ARHGEF12: variants seen among roughly 807,000 people sequenced by gnomAD.
The protein encoded by ARHGEF12 is Rho guanine nucleotide exchange factor 12, also known as KMT2A/ARHGEF12 fusion protein.
Under a neutral mutation model 211.2 loss-of-function variants are expected in ARHGEF12, and 66 were observed. The observed-to-expected ratio is 0.31, with a 90% CI of 0.26 to 0.38. The LOEUF is 0.38. ARHGEF12 is among the 10% of genes least tolerant of loss of function. The pLI is 1.00. For synonymous variants in ARHGEF12, 592 were observed against 638.4 expected, an observed-to-expected ratio of 0.93 and a Z score of 1.09; for missense variants, 1,429 against 1,869.5, an observed-to-expected ratio of 0.76 and a Z score of 4.34.
rs565696828 is a variant in ARHGEF12, at chr11:120,485,297, C to CT, written c.*221dup. 51 of 490,638 alleles carry CT rather than the reference C, an allele frequency of 1.0e-4. No individual in the cohort carries two copies. The East Asian group carries it at 1.4e-3, about 14-fold the overall frequency. 30.4% of individuals were successfully genotyped at this position (490,638 alleles called of 1,614,324 possible). A position where few individuals can be genotyped will look rare whatever the true frequency, so the allele number is the denominator to read the frequency against. On this transcript the variant is annotated 3_prime_UTR_variant, in exon 41 of 41. Coordinates refer to ENST00000397843, the MANE Select transcript of ARHGEF12 (RefSeq NM_015313.3). ...TTGTGAGGGAATATCCATTCCCTCA[C>CT]TCTACTCTCCTCACTATCGGAAATT...
chr11:120,477,617 T>A, intron 36 of ARHGEF12, 91 bp downstream of exon 36: 5 of 1,250,708 alleles, frequency 4.0e-6, no homozygotes, highest in Non-Finnish European at 5.7e-6. Flanking sequence ...GTAATCCCAG[T>A]GCTTTGGGAG....
intron 4 of ARHGEF12, among the ~76,000 whole-genome samples, chr11:120,420,202 T>C (rs1404307620): frequency 1.3e-5 from 2 of 152,212 alleles, no homozygotes; most frequent in African/African-American, 2.4e-5. Flanking sequence ...ACTCTTCCTT[T>C]CTCTTCCCTT....
rs139223662 is a variant in ARHGEF12 at position 120,473,826 on chromosome 11, T to C, written c.3033+699T>C. On this transcript the variant is annotated intron_variant, in intron 31 of 40. Coordinates refer to ENST00000397843, the MANE Select transcript of ARHGEF12 (RefSeq NM_015313.3). Reference sequence around the variant, plus strand: ...AAAGTTGGAACCATTACAGGAACGATAGTAAAATGTTTACTAATTGCCACT... The same window carrying C: ...AAAGTTGGAACCATTACAGGAACGACAGTAAAATGTTTACTAATTGCCACT... Among the ~76,000 whole-genome samples the C allele has an allele frequency of 2.4e-4, 36 of 152,346 alleles. No homozygotes were observed. In the East Asian group the frequency reaches 6.2e-3, roughly 26 times the overall value.
intron 27 of ARHGEF12, chr11:120,463,546 A>C (rs77586602): frequency 7.2e-6 from 1 of 138,968 alleles, no homozygotes; most frequent in African/African-American, 2.7e-5. Flanking sequence ...AAAAAAAAAA[A>C]CCAAAAAAAA....
chr11:120,367,918 C>T (rs917138867), intron 1 of ARHGEF12, among the ~76,000 whole-genome samples: 7 of 152,076 alleles, frequency 4.6e-5, no homozygotes, highest in African/African-American at 1.7e-4. Context: ...GAGGTTGAAG[C>T]TGCAGTGAGC....
At chr11:120,397,473 TG>T (rs2135528435) in intron 1 of ARHGEF12, among the ~76,000 whole-genome samples, 1 of 152,300 alleles carries the variant, frequency 6.6e-6, no homozygotes, top group South Asian at 2.1e-4. Context: ...GTATAGAACT[TG>T]GGTTACAAGG....
chr11:120,467,912 T>C (rs1415946984), intron 29 of ARHGEF12, among the ~76,000 whole-genome samples: 2 of 152,226 alleles, frequency 1.3e-5, no homozygotes, highest in Non-Finnish European at 2.9e-5. Context: ...GTTTATGTAC[T>C]GTCCCTGATT....
intron 11 of ARHGEF12, 33 bp downstream of exon 11, chr11:120,431,944 C>T (rs1033716608): frequency 2.8e-5 from 44 of 1,547,146 alleles, no homozygotes; most frequent in Non-Finnish European, 3.8e-5. Context: ...CTTTTTTCTT[C>T]TGTATTCTTC....
At chr11:120,400,875 T>A (rs2135546207) in intron 1 of ARHGEF12, among the ~76,000 whole-genome samples, 1 of 152,316 alleles carries the variant, frequency 6.6e-6, no homozygotes, top group South Asian at 2.1e-4. Context: ...ATTTGAGATT[T>A]TATATTACAT....
rs748792489 is a variant in ARHGEF12 at position 120,407,826 on chromosome 11, A to G, written c.142+3A>G. 7.4e-6 allele frequency: 12 copies of G among 1,611,786 alleles called. No individual in the cohort carries two copies. The highest frequency in any genetic ancestry group is 1.0e-5 in the Non-Finnish European group (12 of 1,178,168). ...ATCACATGATTTTGACCCCACAGGTAAAACACTATTCATTCTTTCAAAGAG... is the reference window on the plus strand; with the variant it reads ...ATCACATGATTTTGACCCCACAGGTGAAACACTATTCATTCTTTCAAAGAG... On this transcript the variant is annotated splice_donor_region_variant and intron_variant, in intron 3 of 40. Transcript: ENST00000397843.
chr11:120,383,508 G>A (rs965026451), intron 1 of ARHGEF12, among the ~76,000 whole-genome samples: 3 of 151,990 alleles, frequency 2.0e-5, no homozygotes, highest in Non-Finnish European at 4.4e-5. Context: ...GCAACTTGAC[G>A]GTCCCATCTG....
At chr11:120,438,892 C>T (rs1945780645) in intron 12 of ARHGEF12, 1 of 152,124 alleles carries the variant, frequency 6.6e-6, no homozygotes, top group Non-Finnish European at 1.5e-5. Flanking sequence ...GAGACAGAGT[C>T]TTACTCTGTT....
intron 1 of ARHGEF12, among the ~76,000 whole-genome samples, chr11:120,391,733 T>G (rs752551598): frequency 7.9e-5 from 12 of 152,194 alleles, no homozygotes; most frequent in Admixed American, 3.3e-4. Context: ...CTAGAGAAAT[T>G]AGGATAGAAA....
chr11:120,408,039 AG>A, intron 3 of ARHGEF12: 2 of 432,490 alleles, frequency 4.6e-6, no homozygotes, highest in Non-Finnish European at 8.1e-6. Flanking sequence ...GTATCATTGT[AG>A]AGTATATTGT....
intron 3 of ARHGEF12, 155 bp downstream of exon 3, chr11:120,407,978 G>GCAGGAA: frequency 1.7e-6 from 1 of 581,720 alleles, no homozygotes; most frequent in Non-Finnish European, 2.9e-6. Flanking sequence ...TTTGCATTTA[G>GCAGGAA]TAGGAATGCA....
chr11:120,416,834 T>C (rs1431357640), intron 4 of ARHGEF12, among the ~76,000 whole-genome samples: 2 of 152,164 alleles, frequency 1.3e-5, no homozygotes, highest in East Asian at 1.9e-4. Flanking sequence ...GTATTTTTAG[T>C]AGGGACAGGG....
At position 120,458,188 on chromosome 11, in the gene ARHGEF12, A is replaced by G; in HGVS notation, c.2334A>G (p.Leu778=). Reference sequence around the variant, plus strand: ...AGCAGCTTGTTAGTCGAGAAGTGTTACTGGGACTAAAACCTTGTGAAATCA... The same window carrying G: ...AGCAGCTTGTTAGTCGAGAAGTGTTGCTGGGACTAAAACCTTGTGAAATCA... ...NWQQLVSREV[L]LGLKPCEIKR... is the part of the protein sequence containing the mutation. Residue 778 remains leucine (L), a synonymous_variant, in exon 25 of 41, where the codon TTA becomes TTG. Transcript: ENST00000397843. The G allele has an allele frequency of 3.1e-6, 5 of 1,613,728 alleles. No individual in the cohort carries two copies. The highest frequency in any genetic ancestry group is 4.2e-6 in the Non-Finnish European group (5 of 1,179,832).
chr11:120,486,355 G>A lies in ARHGEF12; in HGVS notation c.*1278G>A, dbSNP rs1164544071. The A allele has an allele frequency of 8.6e-6, 2 of 233,010 alleles. No homozygotes were observed. Among genetic ancestry groups the A allele is most frequent in the East Asian group, 1.2e-4 (2 of 16,496 alleles). The allele number at this position is 233,010 out of a possible 1,614,324, so 14.4% of individuals were successfully genotyped here. On this transcript the variant is annotated 3_prime_UTR_variant, in exon 41 of 41. Transcript: ENST00000397843. ...CACGTCCTCTGACTTCACTGCCGCA[G>A]CTCTTTCCACACGGGGCCGTGATTG...
In ARHGEF12 at chr11:120,480,208, G is replaced by C; in HGVS notation, c.4015G>C (p.Asp1339His). The C allele has an allele frequency of 6.2e-7, 1 of 1,614,184 alleles. No individual in the cohort carries two copies. The highest frequency in any genetic ancestry group is 8.5e-7 in the Non-Finnish European group (1 of 1,180,034). The change falls in exon 38 of 41, where the codon GAT becomes CAT. Residue 1339 changes from aspartate to histidine, a missense_variant. Physicochemically the swap from Asp to His is moderately conservative, Grantham distance 81. Around this residue, in one of 7 missense-constraint regions of ARHGEF12, gnomAD observed 467 missense variants for 468.4 expected, o/e 1.00. Coordinates refer to ENST00000397843, the MANE Select transcript of ARHGEF12 (RefSeq NM_015313.3). ...RTSTESFAPR[D>H]SVGLAPQDSQ... is the part of the protein sequence containing the mutation. The stretch of plus-strand genomic sequence containing the variant: ...TTCAACTGAATCTTTTGCTCCACGG[G>C]ATTCAGTGGGACTGGCACCCCAGGA...
Sources: gnomAD v4.1 joint callset for allele counts (sites outside exome capture counted in the v4.1 genomes callset) on GRCh38, gnomAD v4.1.1 for gene constraint, gnomAD v4.1.1 regional missense constraint, MANE v1.5 for transcripts, NCBI Gene and HGNC (gene_info 2026-07-23, HGNC 2026-07-21) for gene names.